The following HPSE2 variants were observed in gnomAD, a reference collection of about 807,000 sequenced individuals.
HPSE2 encodes the protein inactive heparanase-2.
Under a neutral mutation model 60.5 loss-of-function variants are expected in HPSE2, and 38 were observed. The ratio of observed to expected loss-of-function variants is 0.63; its 90% CI spans 0.48 to 0.82. The LOEUF is 0.82. Among genes scored for constraint, HPSE2 ranks in the 40% least tolerant of loss-of-function variants. The pLI, the probability that HPSE2 is intolerant of heterozygous loss-of-function variation, is 0.00. For missense variants in HPSE2, 713 were observed against 740.4 expected, an observed-to-expected ratio of 0.96 and a Z score of 0.43; for synonymous variants, 295 against 293.2, an observed-to-expected ratio of 1.01 and a Z score of -0.06.
intron 3 of HPSE2, among the ~76,000 whole-genome samples, chr10:98,894,434 A>G (rs1032341262): frequency 1.3e-5 from 2 of 152,190 alleles, no homozygotes; most frequent in Admixed American, 6.5e-5. Context: ...CAGAACTTCC[A>G]GAAGTGAAAA....
intron 3 of HPSE2, among the ~76,000 whole-genome samples, chr10:98,904,310 G>A (rs1266133776): frequency 1.3e-5 from 2 of 152,094 alleles, no homozygotes; most frequent in African/African-American, 4.8e-5. Flanking sequence ...TAATGAAGAA[G>A]ATGAAGAATA....
At chr10:98,604,088 C>T (rs1220883909) in intron 9 of HPSE2, among the ~76,000 whole-genome samples, 1 of 152,122 alleles carries the variant, frequency 6.6e-6, no homozygotes, top group Non-Finnish European at 1.5e-5. Context: ...CCTGATACAT[C>T]ACAGCTATCC....
chr10:99,198,661 A>G (rs962358493), intron 2 of HPSE2, among the ~76,000 whole-genome samples: 1 of 152,208 alleles, frequency 6.6e-6, no homozygotes, highest in African/African-American at 2.4e-5. Context: ...GGGTTTTATA[A>G]TATGAAGGCT....
chr10:98,632,105 A>G (rs1946379899), intron 7 of HPSE2, among the ~76,000 whole-genome samples: 1 of 152,200 alleles, frequency 6.6e-6, no homozygotes. Context: ...GTAATGGATA[A>G]GAGTGCTGGT....
At chr10:98,886,085 T>C (rs1953156155) in intron 3 of HPSE2, among the ~76,000 whole-genome samples, 1 of 152,130 alleles carries the variant, frequency 6.6e-6, no homozygotes, top group Non-Finnish European at 1.5e-5. Flanking sequence ...TCTTTTGAGG[T>C]ATCAATATTA....
At chr10:98,644,188 T>A (rs567864420) in intron 6 of HPSE2, among the ~76,000 whole-genome samples, 64 of 152,304 alleles carry the variant, frequency 4.2e-4, no homozygotes, top group African/African-American at 1.3e-3. Context: ...AAGTGGGTTT[T>A]AAAAAACCCA....
chr10:99,113,645 T>G (rs556308599), intron 3 of HPSE2, among the ~76,000 whole-genome samples: 1 of 152,190 alleles, frequency 6.6e-6, no homozygotes, highest in South Asian at 2.1e-4. Context: ...AAGAACAGTA[T>G]TAATAATTAT....
intron 3 of HPSE2, among the ~76,000 whole-genome samples, chr10:98,924,223 GTC>G (rs1302073694): frequency 1.3e-5 from 2 of 152,008 alleles, no homozygotes; most frequent in South Asian, 4.1e-4. Context: ...AACACATGGA[GTC>G]TCTCTCTCTC....
chr10:98,970,671 A>G (rs1022857530), intron 3 of HPSE2, among the ~76,000 whole-genome samples: 3 of 152,188 alleles, frequency 2.0e-5, no homozygotes, highest in African/African-American at 7.2e-5. Context: ...AAGTGGCCTA[A>G]AATAAACTTT....
chr10:99,111,992 C>A lies in HPSE2; in HGVS notation c.610+32246G>T, dbSNP rs560970585. 8.5e-5 allele frequency among the ~76,000 whole-genome samples: 13 copies of A among 152,278 alleles called. No homozygotes were observed. The South Asian group carries it at 2.7e-3, about 32-fold the overall frequency. ...GTCAAGTCTTATCATCTACATATCC[C>A]TAGTGAGTAGCACAGTGCTAGCACA... On this transcript the variant is annotated intron_variant, in intron 3 of 11. Coordinates refer to ENST00000370552, the MANE Select transcript of HPSE2 (RefSeq NM_021828.5).
At chr10:98,521,216 G>A (rs1014562220) in intron 9 of HPSE2, among the ~76,000 whole-genome samples, 2 of 152,084 alleles carry the variant, frequency 1.3e-5, no homozygotes, top group Admixed American at 6.5e-5. Flanking sequence ...CTACAGAATG[G>A]AAGAAAATTT....
chr10:99,099,168 C>T (rs1294150150), intron 3 of HPSE2, among the ~76,000 whole-genome samples: 4 of 152,064 alleles, frequency 2.6e-5, no homozygotes, highest in South Asian at 2.1e-4. Context: ...TGCAGCCCAC[C>T]GAGTGTGAGC....
chr10:98,856,876 C>T lies in HPSE2; in HGVS notation c.611-112820G>A, dbSNP rs577186618. On this transcript the variant is annotated intron_variant, in intron 3 of 11. Transcript: ENST00000370552. ...AGGAACTATTTTTGTATTATTCCCA[C>T]ATGAGAATCCCTGTTGTTCAAGACA... 1.0e-3 allele frequency among the ~76,000 whole-genome samples: 153 copies of T among 152,274 alleles called. 1 individual carries two copies. Among genetic ancestry groups the T allele is most frequent in the African/African-American group, 3.5e-3 (145 of 41,564 alleles).
intron 3 of HPSE2, among the ~76,000 whole-genome samples, chr10:98,749,947 T>TATATATATATATATATAGATACACAC: frequency 1.0e-5 from 1 of 98,484 alleles, no homozygotes; most frequent in Non-Finnish European, 2.2e-5. Flanking sequence ...TATATATATA[T>TATATATATATATATATAGATACACAC]ACACACACAC....
At chr10:98,589,272 T>G (rs1013610671) in intron 9 of HPSE2, among the ~76,000 whole-genome samples, 3 of 152,350 alleles carry the variant, frequency 2.0e-5, no homozygotes, top group East Asian at 3.9e-4. Context: ...TGAGCCACTG[T>G]TGTCTGTGAG....
At chr10:98,679,442 G>C (rs1379561195) in intron 6 of HPSE2, among the ~76,000 whole-genome samples, 3 of 152,110 alleles carry the variant, frequency 2.0e-5, no homozygotes, top group South Asian at 2.1e-4. Flanking sequence ...ACAATTAATG[G>C]AATGTATGCT....
intron 6 of HPSE2, among the ~76,000 whole-genome samples, chr10:98,670,786 C>T (rs756521611): frequency 1.3e-5 from 2 of 152,184 alleles, no homozygotes; most frequent in Non-Finnish European, 2.9e-5. Flanking sequence ...TGCATGAAAC[C>T]CCTGTTACAT....
At chr10:98,976,406 C>T (rs1253952830) in intron 3 of HPSE2, among the ~76,000 whole-genome samples, 1 of 152,122 alleles carries the variant, frequency 6.6e-6, no homozygotes, top group East Asian at 1.9e-4. Flanking sequence ...ACAGGCAAGA[C>T]TTATTTAAGG....
At position 98,797,037 on chromosome 10, in the gene HPSE2, C is replaced by T. The variant is rs552025752; in HGVS notation, c.611-52981G>A. Among the ~76,000 whole-genome samples the T allele has an allele frequency of 3.3e-5, 5 of 152,292 alleles. No individual in the cohort carries two copies. The East Asian group carries it at 9.7e-4, about 29-fold the overall frequency. On this transcript the variant is annotated intron_variant, in intron 3 of 11. Transcript: ENST00000370552. ...AAGGACAGGCGCAAATAAGCCCAGA[C>T]TGTGAAGACTATAATAAATACCCAA... is the stretch of plus-strand genomic sequence containing the variant.
Sources: gnomAD v4.1 joint callset for allele counts (sites outside exome capture counted in the v4.1 genomes callset) on GRCh38, gnomAD v4.1.1 for gene constraint, MANE v1.5 for transcripts, NCBI Gene and HGNC (gene_info 2026-07-23, HGNC 2026-07-21) for gene names.